The following EYS variants were observed in gnomAD, a reference collection of about 807,000 sequenced individuals.
EYS encodes the protein EGF-like photoreceptor maintenance factor, also known as protein eyes shut homolog.
A neutral mutation model predicts 282.1 loss-of-function variants in EYS; 250 were observed. The ratio of observed to expected loss-of-function variants is 0.89; its 90% CI spans 0.80 to 0.98. The LOEUF (loss-of-function observed/expected upper bound fraction) is 0.98, where lower values mean the gene tolerates loss of function less well. Among genes scored for constraint, EYS ranks in the 50% least tolerant of loss-of-function variants. EYS has a pLI of 0.00. For missense variants in EYS, 4,016 were observed against 3,709.0 expected (o/e 1.08, Z -2.15); for synonymous variants, 1,355 against 1,282.9 (o/e 1.06, Z -1.20).
chr6:64,984,029 C>T (rs1020507283), intron 14 of EYS, among the ~76,000 whole-genome samples: 2 of 151,254 alleles, frequency 1.3e-5, no homozygotes, highest in African/African-American at 4.8e-5. Flanking sequence ...TATTAGAATC[C>T]CGTCTGGAAT....
chr6:64,791,966 T>C (rs1387181233), intron 22 of EYS, among the ~76,000 whole-genome samples: 2 of 151,920 alleles, frequency 1.3e-5, no homozygotes, highest in Non-Finnish European at 2.9e-5. Context: ...TATTATGTGG[T>C]CCATAGCATT....
intron 31 of EYS, among the ~76,000 whole-genome samples, chr6:64,120,280 C>T (rs1413510613): frequency 6.7e-6 from 1 of 149,120 alleles, no homozygotes; most frequent in East Asian, 2.0e-4. Flanking sequence ...GGCGTGAACC[C>T]AGGAGGCGGA....
intron 12 of EYS, among the ~76,000 whole-genome samples, chr6:65,070,684 A>G (rs544686289): frequency 7.2e-5 from 11 of 151,746 alleles, no homozygotes; most frequent in Admixed American, 2.0e-4. Flanking sequence ...TTCTTTTTCT[A>G]TGGGGGCAAA....
chr6:64,984,671 A>G (rs1002836803), intron 14 of EYS, among the ~76,000 whole-genome samples: 5 of 151,416 alleles, frequency 3.3e-5, no homozygotes, highest in African/African-American at 1.2e-4. Flanking sequence ...TTGTAAATTT[A>G]TTTATGATGG....
chr6:64,952,408 G>A (rs905846271), intron 14 of EYS, among the ~76,000 whole-genome samples: 26 of 151,958 alleles, frequency 1.7e-4, no homozygotes, highest in African/African-American at 6.3e-4. Flanking sequence ...CCTGCCCAAC[G>A]AGGGTATAAG....
chr6:64,011,621 T>C (rs1184320680), intron 33 of EYS, among the ~76,000 whole-genome samples: 1 of 151,346 alleles, frequency 6.6e-6, no homozygotes, highest in African/African-American at 2.4e-5. Flanking sequence ...AAATAGAACG[T>C]ATGGATTTTT....
chr6:65,415,616 A>G (rs1370810486), intron 5 of EYS, among the ~76,000 whole-genome samples: 1 of 152,124 alleles, frequency 6.6e-6, no homozygotes, highest in African/African-American at 2.4e-5. Context: ...AAGAGACATC[A>G]ATATAACAGG....
chr6:65,607,070 A>T (rs1411018220), intron 2 of EYS, among the ~76,000 whole-genome samples: 1 of 151,862 alleles, frequency 6.6e-6, no homozygotes, highest in African/African-American at 2.4e-5. Context: ...AAATATGCTT[A>T]ATTTAGATAT....
chr6:64,436,270 TG>T lies in EYS; in HGVS notation c.5836-6del. The T allele has an allele frequency of 1.3e-6, 2 of 1,523,456 alleles. No homozygotes were observed. Among genetic ancestry groups the T allele is most frequent in the Non-Finnish European group, 1.8e-6 (2 of 1,127,606 alleles). 94.4% of individuals were successfully genotyped at this position (1,523,456 alleles called of 1,614,324 possible). A position where few individuals can be genotyped will look rare whatever the true frequency, so the allele number is the denominator to read the frequency against. On this transcript the variant is annotated splice_region_variant and splice_polypyrimidine_tract_variant and intron_variant, in intron 27 of 42. Coordinates refer to ENST00000503581, the MANE Select transcript of EYS (RefSeq NM_001142800.2). ...ACCAGGACAGTAAAAGTGGTACTGT[TG>T]GGGGAAAAAATTTTGTCCTCAAACA...
intron 26 of EYS, among the ~76,000 whole-genome samples, chr6:64,559,521 A>AT (rs918349796): frequency 2.0e-5 from 3 of 152,002 alleles, no homozygotes; most frequent in Admixed American, 6.6e-5. Context: ...ACAAAGTTAC[A>AT]TTTTTTTGTG....
chr6:64,073,011 C>A (rs1401125345), intron 32 of EYS, among the ~76,000 whole-genome samples: 1 of 151,840 alleles, frequency 6.6e-6, no homozygotes, highest in Non-Finnish European at 1.5e-5. Flanking sequence ...AAAGGAAGCT[C>A]AGCCACTAAC....
intron 12 of EYS, among the ~76,000 whole-genome samples, chr6:65,083,051 T>C (rs1026125415): frequency 7.2e-5 from 11 of 152,004 alleles, no homozygotes; most frequent in Non-Finnish European, 4.4e-5. Flanking sequence ...AAATTTTATA[T>C]ACTGTCCATC....
chr6:64,771,148 T>C (rs1773511866), intron 22 of EYS, among the ~76,000 whole-genome samples: 1 of 151,698 alleles, frequency 6.6e-6, no homozygotes, highest in African/African-American at 2.4e-5. Context: ...CCTTCTATGC[T>C]ATATATATAA....
At chr6:64,237,846 A>T (rs900270754) in intron 30 of EYS, among the ~76,000 whole-genome samples, 1 of 152,186 alleles carries the variant, frequency 6.6e-6, no homozygotes, top group Non-Finnish European at 1.5e-5. Flanking sequence ...AATTGTCATT[A>T]TATTAAAGGA....
intron 31 of EYS, among the ~76,000 whole-genome samples, chr6:64,216,307 A>G (rs898077189): frequency 6.6e-6 from 1 of 152,214 alleles, no homozygotes; most frequent in African/African-American, 2.4e-5. Context: ...ATAAAAAATT[A>G]AGAAGTGATA....
chr6:65,566,916 A>T (rs1178699949), intron 2 of EYS, among the ~76,000 whole-genome samples: 8 of 152,136 alleles, frequency 5.3e-5, no homozygotes. Context: ...TACCACAGAA[A>T]CATAGGTTAA....
chr6:64,894,572 A>C (rs932293039), intron 18 of EYS, among the ~76,000 whole-genome samples: 1 of 152,126 alleles, frequency 6.6e-6, no homozygotes, highest in Admixed American at 6.6e-5. Context: ...TCACAATTCC[A>C]AAACCTAAGT....
At chr6:65,060,256 T>G (rs1350903247) in intron 12 of EYS, among the ~76,000 whole-genome samples, 1 of 151,718 alleles carries the variant, frequency 6.6e-6, no homozygotes, top group Non-Finnish European at 1.5e-5. Context: ...AATTTGACAC[T>G]TTAAATTCAT....
At chr6:65,592,325 T>A (rs936990623) in intron 2 of EYS, among the ~76,000 whole-genome samples, 9 of 152,126 alleles carry the variant, frequency 5.9e-5, no homozygotes, top group African/African-American at 2.2e-4. Flanking sequence ...TATAACTGAA[T>A]TTTATATATG....
Sources: gnomAD v4.1 joint callset for allele counts (sites outside exome capture counted in the v4.1 genomes callset) on GRCh38, gnomAD v4.1.1 for gene constraint, MANE v1.5 for transcripts, NCBI Gene and HGNC (gene_info 2026-07-23, HGNC 2026-07-21) for gene names.